The following DHCR7 variants were observed in gnomAD, a reference collection of about 807,000 sequenced individuals.
DHCR7 encodes the protein 7-DHC reductase.
Under a neutral mutation model 43.3 loss-of-function variants are expected in DHCR7, and 40 were observed. That is an observed-to-expected ratio of 0.92 (90% CI 0.72 to 1.20). The LOEUF (loss-of-function observed/expected upper bound fraction) is 1.20. Among genes scored for constraint, DHCR7 ranks in the 50% most tolerant of loss-of-function variants. The probability of loss-of-function intolerance (pLI) is 0.00; values close to 1 mark genes in which losing one functional copy is unlikely to be tolerated. For synonymous variants in DHCR7, 298 were observed against 271.4 expected, an observed-to-expected ratio of 1.10 and a Z score of -0.96; for missense variants, 608 against 644.6, an observed-to-expected ratio of 0.94 and a Z score of 0.62.
rs756564881 is a variant in DHCR7, at chr11:71,444,871, G to A, written c.82C>T (p.Gln28Ter). ...VTNDRTASQG[Q>*]WGRAWEVDWF... ...GATCCTTACCAGGCACGGCCCCACTGCCCTTGAGATGCGGTTCTGTCATTG... is the reference window on the plus strand; with the variant it reads ...GATCCTTACCAGGCACGGCCCCACTACCCTTGAGATGCGGTTCTGTCATTG... Residue 28 changes from glutamine (Q) to a stop codon, truncating the protein, a stop_gained, in exon 3 of 9, where the codon CAG (glutamine) becomes TAG (stop). Coordinates refer to ENST00000355527, the MANE Select transcript of DHCR7 (RefSeq NM_001360.3). LOFTEE classifies it high-confidence loss of function. 4 of 1,614,148 alleles carry A rather than the reference G, an allele frequency of 2.5e-6. No individual in the cohort carries two copies. The highest frequency in any genetic ancestry group is 3.3e-4 in the Middle Eastern group (2 of 6,062).
chr11:71,439,136 T>C (rs1173375680), intron 6 of DHCR7, 53 bp from the exon 7 acceptor site: 1 of 1,540,408 alleles, frequency 6.5e-7, no homozygotes, highest in Non-Finnish European at 8.9e-7. Context: ...TCTCACAAGA[T>C]GAAGCCACCT....
chr11:71,446,888 T>G (rs934841741), intron 2 of DHCR7, among the ~76,000 whole-genome samples: 1 of 152,166 alleles, frequency 6.6e-6, no homozygotes, highest in African/African-American at 2.4e-5. Flanking sequence ...AAAATCAAAG[T>G]GGATGAAAGA....
chr11:71,429,409 T>G (rs1792274), intron 2 of DHCR7, among the ~76,000 whole-genome samples: 129,746 of 152,140 alleles, frequency 0.85, 56,344 homozygotes, highest in Non-Finnish European at 0.95. Flanking sequence ...GAACAGACTG[T>G]GGGCGGGGGC....
At chr11:71,436,265 G>A (rs1234378287) in intron 8 of DHCR7, among the ~76,000 whole-genome samples, 1 of 152,178 alleles carries the variant, frequency 6.6e-6, no homozygotes, top group Non-Finnish European at 1.5e-5. Context: ...CAGTCAACCA[G>A]GCAGAGTGGA....
Position 71,444,163 on chromosome 11 carries a change from G to A in DHCR7, c.151C>T (p.Pro51Ser), listed in dbSNP as rs104886035. ...ASVIFLLLFA[P>S]FIVYYFIMAC... Reference sequence around the variant, plus strand: ...ATGATGAAGTAGTAGACGATGAAGGGGGCGAACAGCAGTAGGAAGATGACG... The same window carrying A: ...ATGATGAAGTAGTAGACGATGAAGGAGGCGAACAGCAGTAGGAAGATGACG... Residue 51 changes from proline to serine, a missense_variant, in exon 4 of 9, where the codon CCC (proline) becomes TCC (serine). Pro to Ser is a moderately conservative substitution (Grantham distance 74, BLOSUM62 -1). Coordinates refer to ENST00000355527, the MANE Select transcript of DHCR7 (RefSeq NM_001360.3). 2 of 1,609,368 alleles carry A rather than the reference G, an allele frequency of 1.2e-6. No individual in the cohort carries two copies. Among genetic ancestry groups the A allele is most frequent in the Non-Finnish European group, 1.7e-6 (2 of 1,177,656 alleles).
rs1949319924 is a variant in DHCR7, at chr11:71,438,964, G to A, written c.746C>T (p.Thr249Ile). 1.2e-6 allele frequency: 2 copies of A among 1,614,036 alleles called. No homozygotes were observed. The highest frequency in any genetic ancestry group is 1.7e-6 in the Non-Finnish European group (2 of 1,180,040). The change falls in exon 7 of 9, where the codon ACC (threonine) becomes ATC (isoleucine). Residue 249 changes from threonine (T) to isoleucine (I), a missense_variant. By Grantham distance (89) the Thr-to-Ile change is moderately conservative. Transcript: ENST00000355527. ...CGCTGCGAAGGACAGGTTGATGAGG[G>A]TCCAGGCGACGATCCCGGGGCGCCC... ...FNGRPGIVAW[T>I]LINLSFAAKQ...
rs138185442 is a variant in DHCR7 at position 71,441,346 on chromosome 11, C to T, written c.507G>A (p.Ser169=). The T allele has an allele frequency of 8.7e-6, 14 of 1,614,154 alleles. No individual in the cohort carries two copies. The highest frequency in any genetic ancestry group is 3.3e-5 in the South Asian group (3 of 91,080). Residue 169 remains serine, a synonymous_variant, in exon 6 of 9, where the codon TCG becomes TCA. Coordinates refer to ENST00000355527, the MANE Select transcript of DHCR7 (RefSeq NM_001360.3). ...TCCAGTTGTCGAAGATGATGGTGGGCGAGAACCAGGACAGGAGATGAGCGT... is the reference window on the plus strand; with the variant it reads ...TCCAGTTGTCGAAGATGATGGTGGGTGAGAACCAGGACAGGAGATGAGCGT... ...FANAHLLSWF[S]PTIIFDNWIP...
In DHCR7 at chr11:71,444,130, C is replaced by A; in HGVS notation, c.184G>T (p.Asp62Tyr). ...CCAGTCAGGGCGCAGCTGTACTGGT[C>A]ACAAGCCATGATGAAGTAGTAGACG... ...FIVYYFIMACDQYSCALTGPV... is the reference protein window; with the variant it reads ...FIVYYFIMACYQYSCALTGPV... Residue 62 changes from aspartate (D) to tyrosine (Y), a missense_variant, in exon 4 of 9, where the codon GAC becomes TAC. Coordinates refer to ENST00000355527, the MANE Select transcript of DHCR7 (RefSeq NM_001360.3). 1 of 1,611,214 alleles carries A rather than the reference C, an allele frequency of 6.2e-7. No individual in the cohort carries two copies. The highest frequency in any genetic ancestry group is 1.1e-5 in the South Asian group (1 of 90,570).
At chr11:71,435,959 C>A (rs756330549) in intron 8 of DHCR7, 120 bp from the exon 9 acceptor site, 26 of 793,134 alleles carry the variant, frequency 3.3e-5, no homozygotes, top group Non-Finnish European at 3.4e-5. Context: ...ACACGCCTTG[C>A]CTCCGTGTTC....
rs573410955 is a variant in DHCR7 at position 71,444,733 on chromosome 11, A to C, written c.98+122T>G. The C allele has an allele frequency of 2.6e-3, 676 of 264,662 alleles. 1 individual carries two copies. Among genetic ancestry groups the C allele is most frequent in the South Asian group, 0.016 (224 of 13,974 alleles). The allele number at this position is 264,662 out of a possible 1,614,324, so 16.4% of individuals were successfully genotyped here. On this transcript the variant is annotated intron_variant, in intron 3 of 8. Transcript: ENST00000355527. The stretch of plus-strand genomic sequence containing the variant: ...CTGTTTACCTTTCATTAGTCTTGAC[A>C]AAAAAAAAAAAATCTTTTTTAAAAA...
At chr11:71,433,951 C>T (rs1949244119), downstream of DHCR7, among the ~76,000 whole-genome samples, 1 of 152,232 alleles carries the variant, frequency 6.6e-6, no homozygotes, top group Non-Finnish European at 1.5e-5. Flanking sequence ...AGTTCCGATA[C>T]CCTCCAGGCT....
At chr11:71,442,613 C>T (rs1949361376) in intron 4 of DHCR7, among the ~76,000 whole-genome samples, 1 of 152,046 alleles carries the variant, frequency 6.6e-6, no homozygotes, top group Non-Finnish European at 1.5e-5. Context: ...TCCCAGTCAC[C>T]TTTTTAAAAT....
intron 7 of DHCR7, among the ~76,000 whole-genome samples, chr11:71,438,296 C>T (rs1344711513): frequency 6.6e-6 from 1 of 152,206 alleles, no homozygotes. Flanking sequence ...AGGCCTCCCT[C>T]ACCCTCTCGG....
At chr11:71,448,471 C>T (rs1439214731), upstream of DHCR7, 1 of 152,302 alleles carries the variant, frequency 6.6e-6, no homozygotes, top group Non-Finnish European at 1.5e-5. Flanking sequence ...CCCGGCGGCT[C>T]CGCGCCCCGT....
downstream of DHCR7, among the ~76,000 whole-genome samples, chr11:71,430,119 A>T (rs1949221187): frequency 6.6e-6 from 1 of 152,230 alleles, no homozygotes; most frequent in Non-Finnish European, 1.5e-5. Context: ...ATCCTGATGA[A>T]ATAAACACAC....
downstream of DHCR7, among the ~76,000 whole-genome samples, chr11:71,427,405 G>A (rs1241383629): frequency 6.6e-6 from 1 of 152,126 alleles, no homozygotes; most frequent in Non-Finnish European, 1.5e-5. Flanking sequence ...TTCTAAGTCT[G>A]CTGTGTTTTC....
chr11:71,430,832 T>C (rs1325930407), downstream of DHCR7, among the ~76,000 whole-genome samples: 5 of 152,176 alleles, frequency 3.3e-5, no homozygotes, highest in African/African-American at 1.2e-4. Context: ...GGGGAGTGCA[T>C]GCTGATTGGC....
At position 71,439,072 on chromosome 11, in the gene DHCR7, C is replaced by T. The variant is rs769583377; in HGVS notation, c.638G>A (p.Gly213Asp). ...CATCATGTAGTTGTAAAAGAAATTG[C>T]CTGTGAATTTGCTTAAAAATATAAA... ...PTSARDCKFTGNFFYNYMMGI... is the reference protein window; with the variant it reads ...PTSARDCKFTDNFFYNYMMGI... The change falls in exon 7 of 9, where the codon GGC becomes GAC. Residue 213 changes from glycine to aspartate, a missense_variant. Physicochemically the swap from Gly to Asp is moderately conservative, Grantham distance 94 (BLOSUM62 -1). Coordinates refer to ENST00000355527, the MANE Select transcript of DHCR7 (RefSeq NM_001360.3). 1.9e-6 allele frequency: 3 copies of T among 1,613,794 alleles called. No individual in the cohort carries two copies. In the African/African-American group the frequency reaches 4.0e-5, roughly 22 times the overall value.
chr11:71,438,071 T>G (rs1274158283), intron 7 of DHCR7, 128 bp from the exon 8 acceptor site: 1 of 1,107,392 alleles, frequency 9.0e-7, no homozygotes, highest in Non-Finnish European at 1.3e-6. Flanking sequence ...TCCTCAATGC[T>G]GGGGCTGTTC....
Sources: allele counts gnomAD v4.1 joint callset (sites outside exome capture counted in the v4.1 genomes callset), GRCh38; gene constraint gnomAD v4.1.1; transcripts MANE v1.5; gene names NCBI Gene and HGNC (gene_info 2026-07-23, HGNC 2026-07-21).